The following ANO10 variants were observed in gnomAD, a reference collection of about 807,000 sequenced individuals.
ANO10 encodes anoctamin 10.
Under a neutral mutation model 74.7 loss-of-function variants are expected in ANO10, and 77 were observed. That is an observed-to-expected ratio of 1.03 (90% CI 0.86 to 1.25). The LOEUF (loss-of-function observed/expected upper bound fraction) is 1.25. Among genes scored for constraint, ANO10 ranks in the 50% most tolerant of loss-of-function variants. The pLI is 0.00. For missense variants in ANO10, 721 were observed against 778.1 expected (o/e 0.93, Z 0.87); for synonymous variants, 279 against 284.9 (o/e 0.98, Z 0.21).
chr3:43,372,951 T>G, intron 12 of ANO10: 4 of 1,135,552 alleles, frequency 3.5e-6, no homozygotes, highest in Non-Finnish European at 5.0e-6. Context: ...GAGAAAAGCC[T>G]CTTTTCTCAT....
intron 12 of ANO10, among the ~76,000 whole-genome samples, chr3:43,420,112 TATTC>T (rs539230095): frequency 1.5e-3 from 229 of 152,310 alleles, no homozygotes; most frequent in Middle Eastern, 3.4e-3. Context: ...CATAATATAA[TATTC>T]AGTCATATTC....
chr3:43,605,398 T>C (rs553560420), intron 2 of ANO10, among the ~76,000 whole-genome samples: 5 of 152,274 alleles, frequency 3.3e-5, no homozygotes, highest in African/African-American at 1.2e-4. Flanking sequence ...TGTCCATTCA[T>C]TTGACAAATA....
chr3:43,543,948 T>TA (rs2079068770), intron 11 of ANO10, among the ~76,000 whole-genome samples: 1 of 152,158 alleles, frequency 6.6e-6, no homozygotes, highest in African/African-American at 2.4e-5. Flanking sequence ...GTCTGATAGG[T>TA]ACATCTTGCC....
intron 12 of ANO10, among the ~76,000 whole-genome samples, chr3:43,404,031 T>C (rs2092530904): frequency 6.6e-6 from 1 of 152,160 alleles, no homozygotes; most frequent in Non-Finnish European, 1.5e-5. Flanking sequence ...GGTTATGTTA[T>C]ATGACAAGGG....
At chr3:43,577,848 A>G (rs1374788766) in intron 5 of ANO10, among the ~76,000 whole-genome samples, 3 of 152,230 alleles carry the variant, frequency 2.0e-5, no homozygotes, top group Admixed American at 2.0e-4. Flanking sequence ...GAACACATTT[A>G]TCAACACTTT....
chr3:43,580,585 G>A, intron 4 of ANO10, 113 bp from the exon 5 acceptor site: 1 of 1,276,024 alleles, frequency 7.8e-7, no homozygotes, highest in South Asian at 1.2e-5. Context: ...AAAGGTCAAT[G>A]TCATACTGCC....
intron 11 of ANO10, among the ~76,000 whole-genome samples, chr3:43,469,632 A>G (rs889973774): frequency 1.3e-5 from 2 of 152,206 alleles, no homozygotes; most frequent in African/African-American, 4.8e-5. Context: ...TTGCACAGGT[A>G]TCACAGTCAA....
intron 8 of ANO10, among the ~76,000 whole-genome samples, chr3:43,563,879 A>T (rs1370853852): frequency 6.6e-6 from 1 of 152,060 alleles, no homozygotes; most frequent in Non-Finnish European, 1.5e-5. Flanking sequence ...GGATAAAGAG[A>T]AGCTGATCGA....
chr3:43,520,035 G>C (rs2077880460), intron 11 of ANO10, among the ~76,000 whole-genome samples: 1 of 152,070 alleles, frequency 6.6e-6, no homozygotes, highest in African/African-American at 2.4e-5. Flanking sequence ...TCTGGGCACA[G>C]AGCTGGACCA....
At chr3:43,650,678 A>T (rs1018582492) in intron 1 of ANO10, among the ~76,000 whole-genome samples, 1 of 152,108 alleles carries the variant, frequency 6.6e-6, no homozygotes, top group Non-Finnish European at 1.5e-5. Context: ...GTACTGAATC[A>T]TTTTTTTCCA....
At chr3:43,471,343 C>T (rs910871030) in intron 11 of ANO10, among the ~76,000 whole-genome samples, 51 of 152,108 alleles carry the variant, frequency 3.4e-4, no homozygotes, top group African/African-American at 1.2e-3. Flanking sequence ...TAGGAAGAGA[C>T]AAAGTTTTAA....
At chr3:43,585,366 AAAC>A (rs2081430500) in intron 4 of ANO10, among the ~76,000 whole-genome samples, 1 of 152,106 alleles carries the variant, frequency 6.6e-6, no homozygotes, top group Non-Finnish European at 1.5e-5. Flanking sequence ...AAAGGAAAAA[AAAC>A]AACCTTTGTT....
chr3:43,523,662 T>A (rs769534037), intron 11 of ANO10, among the ~76,000 whole-genome samples: 1 of 152,128 alleles, frequency 6.6e-6, no homozygotes, highest in Non-Finnish European at 1.5e-5. Flanking sequence ...ACTAGATGGA[T>A]GGTGGTAGAT....
intron 11 of ANO10, among the ~76,000 whole-genome samples, chr3:43,463,600 T>G (rs2075484346): frequency 6.6e-6 from 1 of 152,190 alleles, no homozygotes; most frequent in African/African-American, 2.4e-5. Context: ...TTTGGCAAAT[T>G]TCTCCCATTT....
intron 11 of ANO10, among the ~76,000 whole-genome samples, chr3:43,522,053 T>G (rs2077980760): frequency 6.6e-6 from 1 of 152,096 alleles, no homozygotes; most frequent in Non-Finnish European, 1.5e-5. Flanking sequence ...AAGGGACAAA[T>G]AAATGTATTA....
At chr3:43,392,530 T>A (rs2092297095) in intron 12 of ANO10, among the ~76,000 whole-genome samples, 2 of 152,234 alleles carry the variant, frequency 1.3e-5, no homozygotes, top group Non-Finnish European at 2.9e-5. Context: ...AGAGAATTCA[T>A]TTAACCAGTG....
At chr3:43,551,591 G>A (rs780793118) in intron 10 of ANO10, 50 of 456,172 alleles carry the variant, frequency 1.1e-4, no homozygotes, top group Non-Finnish European at 8.8e-6. Context: ...AATATGATCT[G>A]CTTTTTGTCA....
chr3:43,427,002 A>T (rs2092908918), intron 12 of ANO10, among the ~76,000 whole-genome samples: 1 of 152,184 alleles, frequency 6.6e-6, no homozygotes, highest in Non-Finnish European at 1.5e-5. Context: ...ACAAGCTGAG[A>T]AGAATAACTG....
At chr3:43,477,623 C>A (rs575974915) in intron 11 of ANO10, among the ~76,000 whole-genome samples, 3 of 152,196 alleles carry the variant, frequency 2.0e-5, no homozygotes, top group Admixed American at 1.3e-4. Flanking sequence ...TAATACTGTA[C>A]TTGTGGTAAG....
Sources: allele counts gnomAD v4.1 joint callset (sites outside exome capture counted in the v4.1 genomes callset), GRCh38; gene constraint gnomAD v4.1.1; transcripts MANE v1.5; gene names NCBI Gene and HGNC (gene_info 2026-07-23, HGNC 2026-07-21).